The following TTYH2 variants were observed in gnomAD, a reference collection of about 807,000 sequenced individuals.
TTYH2 encodes tweety family member 2.
A neutral mutation model predicts 68.3 loss-of-function variants in TTYH2; 49 were observed. The ratio of observed to expected loss-of-function variants is 0.72; its 90% CI spans 0.57 to 0.91. The LOEUF (loss-of-function observed/expected upper bound fraction) is 0.91, where lower values mean the gene tolerates loss of function less well. Among genes scored for constraint, TTYH2 ranks in the 40% least tolerant of loss-of-function variants. TTYH2 has a pLI of 0.00. For missense variants in TTYH2, 631 were observed against 700.4 expected (o/e 0.90, Z 1.12); for synonymous variants, 272 against 300.8 (o/e 0.90, Z 0.99).
chr17:74,231,916 G>T (rs2064511858), intron 3 of TTYH2, among the ~76,000 whole-genome samples: 1 of 152,118 alleles, frequency 6.6e-6, no homozygotes, highest in African/African-American at 2.4e-5. Flanking sequence ...CTTTTGCTGG[G>T]GCTGCCACCC....
Position 74,252,381 on chromosome 17 carries a change from G to T in TTYH2, c.1259+5G>T, listed in dbSNP as rs771695526. 1.9e-6 allele frequency: 3 copies of T among 1,612,894 alleles called. No homozygotes were observed. The highest frequency in any genetic ancestry group is 2.2e-5 in the South Asian group (2 of 91,060). ...CTGGAAGCACTTCACCACCAGGTGGGCTGCCTAGTAAGGAGGGGAGCCTCC... is the reference window on the plus strand; with the variant it reads ...CTGGAAGCACTTCACCACCAGGTGGTCTGCCTAGTAAGGAGGGGAGCCTCC... On this transcript the variant is annotated splice_donor_5th_base_variant and intron_variant, in intron 11 of 13. Coordinates refer to ENST00000269346, the MANE Select transcript of TTYH2 (RefSeq NM_032646.6).
At position 74,261,829 on chromosome 17, in the gene TTYH2, C is replaced by T. The variant is rs2050754005; in HGVS notation, c.*1620C>T. 6.6e-6 allele frequency: 1 copy of T among 152,306 alleles called. No individual in the cohort carries two copies. Among genetic ancestry groups the T allele is most frequent in the East Asian group, 1.9e-4 (1 of 5,194 alleles). 9.4% of individuals were successfully genotyped at this position (152,306 alleles called of 1,614,324 possible). A position where few individuals can be genotyped will look rare whatever the true frequency, so the allele number is the denominator to read the frequency against. ...AACTCACTTTGGTATATCCGCGTCA[C>T]ATGCAGAGAGGAACTCTGCGACGTC... On this transcript the variant is annotated 3_prime_UTR_variant, in exon 14 of 14. Coordinates refer to ENST00000269346, the MANE Select transcript of TTYH2 (RefSeq NM_032646.6).
At chr17:74,254,904 C>G (rs1245180672) in intron 13 of TTYH2, among the ~76,000 whole-genome samples, 1 of 152,190 alleles carries the variant, frequency 6.6e-6, no homozygotes, top group Non-Finnish European at 1.5e-5. Flanking sequence ...CCAAACACAG[C>G]CTTCCTCAAT....
rs1052796305 is a variant in TTYH2 at position 74,241,891 on chromosome 17, G to A, written c.636-1483G>A. Among the ~76,000 whole-genome samples the A allele has an allele frequency of 6.6e-6, 1 of 152,226 alleles. No homozygotes were observed. Among genetic ancestry groups the A allele is most frequent in the African/African-American group, 2.4e-5 (1 of 41,462 alleles). On this transcript the variant is annotated intron_variant, in intron 4 of 13. Coordinates refer to ENST00000269346, the MANE Select transcript of TTYH2 (RefSeq NM_032646.6). This position sits in a 1 kb window ranked among gnomAD's most constrained non-coding sequence, Gnocchi z 4.1. ...CTGGGCCTTGTGAGGACCACCTTGG[G>A]GACCTGTGTGGAAGGGAAAGGAACG...
In TTYH2 at chr17:74,213,772, C is replaced by CT; in HGVS notation, c.129+56_129+57insT. On this transcript the variant is annotated intron_variant, in intron 1 of 13. Coordinates refer to ENST00000269346, the MANE Select transcript of TTYH2 (RefSeq NM_032646.6). The surrounding 1 kb of genome is among the most constrained non-coding windows in gnomAD (Gnocchi z 6.1). Reference sequence around the variant, plus strand: ...CGCGCGCCCCAAGTCCCCGCACTACCCCCTCTCCCCTCGAGAGCCTGCACT... The same window carrying CT: ...CGCGCGCCCCAAGTCCCCGCACTACCTCCCTCTCCCCTCGAGAGCCTGCACT... 1.9e-6 allele frequency: 3 copies of CT among 1,579,926 alleles called. No homozygotes were observed. The highest frequency in any genetic ancestry group is 2.3e-5 in the South Asian group (2 of 87,606).
chr17:74,233,284 A>G (rs936332745), intron 3 of TTYH2, among the ~76,000 whole-genome samples: 2 of 152,106 alleles, frequency 1.3e-5, no homozygotes, highest in African/African-American at 2.4e-5. Context: ...CAGAGTGGAC[A>G]CCCAGCACAC....
chr17:74,226,542 G>C (rs114743866), intron 2 of TTYH2, among the ~76,000 whole-genome samples: 1 of 152,270 alleles, frequency 6.6e-6, no homozygotes, highest in African/African-American at 2.4e-5. Context: ...AGCCAGATTG[G>C]TGTGAGTTAT....
At chr17:74,218,329 A>G (rs1598211753) in intron 1 of TTYH2, among the ~76,000 whole-genome samples, 1 of 142,540 alleles carries the variant, frequency 7.0e-6, no homozygotes, top group Non-Finnish European at 1.5e-5. Context: ...GTTTTTTCCC[A>G]GCACCTAGGT....
rs1393925447 is a variant in TTYH2, at chr17:74,217,195, TGTTA to T, written c.129+3484_129+3487del. 6.6e-6 allele frequency among the ~76,000 whole-genome samples: 1 copy of T among 152,184 alleles called. No homozygotes were observed. The highest frequency in any genetic ancestry group is 2.4e-5 in the African/African-American group (1 of 41,442). On this transcript the variant is annotated intron_variant, in intron 1 of 13. Transcript: ENST00000269346. This position sits in a 1 kb window ranked among gnomAD's most constrained non-coding sequence, Gnocchi z 4.0. ...AGTAAGCTCCCAAAGGCTGTGCAAA[TGTTA>T]GTTATTGCTACTGTCAACAGGCAGG...
rs73995092 is a variant in TTYH2 at position 74,227,432 on chromosome 17, C to T, written c.303-3456C>T. Among the ~76,000 whole-genome samples, 664 of 152,292 alleles carry T rather than the reference C, an allele frequency of 4.4e-3. 6 individuals carry two copies. Among genetic ancestry groups the T allele is most frequent in the African/African-American group, 0.015 (637 of 41,550 alleles). On this transcript the variant is annotated intron_variant, in intron 2 of 13. Transcript: ENST00000269346. ...ACTCAGAGAGCTAGAAAAGGATGAA[C>T]ACAAGGAGTCGACAAAAGGGCTTCT...
At chr17:74,216,405 G>A (rs928780840) in intron 1 of TTYH2, among the ~76,000 whole-genome samples, 3 of 152,116 alleles carry the variant, frequency 2.0e-5, no homozygotes, top group Admixed American at 6.5e-5. Flanking sequence ...TGGGTGGTGC[G>A]GGGGATCTCA....
intron 13 of TTYH2, among the ~76,000 whole-genome samples, chr17:74,257,774 A>G (rs1190308278): frequency 1.3e-5 from 2 of 152,240 alleles, no homozygotes; most frequent in Non-Finnish European, 2.9e-5. Context: ...TCAGACTTAC[A>G]GAAACAGAAT....
At chr17:74,249,274 G>C (rs2050593346) in intron 7 of TTYH2, 70 bp from the exon 8 acceptor site, 1 of 1,605,122 alleles carries the variant, frequency 6.2e-7, no homozygotes, top group Non-Finnish European at 8.5e-7. Context: ...GTCTGGCTTG[G>C]CCACCAAGGA....
intron 2 of TTYH2, among the ~76,000 whole-genome samples, chr17:74,227,443 G>A (rs960557983): frequency 6.6e-6 from 1 of 152,200 alleles, no homozygotes; most frequent in Non-Finnish European, 1.5e-5. Flanking sequence ...ACAAGGAGTC[G>A]ACAAAAGGGC....
At chr17:74,234,050 G>T (rs1298122787) in intron 3 of TTYH2, among the ~76,000 whole-genome samples, 1 of 152,180 alleles carries the variant, frequency 6.6e-6, no homozygotes, top group Non-Finnish European at 1.5e-5. Context: ...CTCACTGAGC[G>T]CTGGAGAGTC....
At chr17:74,237,142 C>T (rs1344398681) in intron 3 of TTYH2, 152 bp from the exon 4 acceptor site, 19 of 713,766 alleles carry the variant, frequency 2.7e-5, no homozygotes, top group East Asian at 5.4e-5. Flanking sequence ...TCAAGCAATC[C>T]GCCTGCCTCA....
At chr17:74,234,163 G>A (rs1014329769) in intron 3 of TTYH2, among the ~76,000 whole-genome samples, 1 of 152,188 alleles carries the variant, frequency 6.6e-6, no homozygotes, top group Non-Finnish European at 1.5e-5. Flanking sequence ...CCGCTTCAGC[G>A]GTCCTGGGGC....
chr17:74,260,396 C>T lies in TTYH2; in HGVS notation c.*187C>T. The T allele has an allele frequency of 4.8e-6, 3 of 618,744 alleles. No homozygotes were observed. The highest frequency in any genetic ancestry group is 8.6e-6 in the Non-Finnish European group (3 of 347,280). 38.3% of individuals were successfully genotyped at this position (618,744 alleles called of 1,614,324 possible). A position where few individuals can be genotyped will look rare whatever the true frequency, so the allele number is the denominator to read the frequency against. On this transcript the variant is annotated 3_prime_UTR_variant, in exon 14 of 14. Coordinates refer to ENST00000269346, the MANE Select transcript of TTYH2 (RefSeq NM_032646.6). ...GCAGAAGACTCACCACGCGGGCCAG[C>T]CTCTCTCTTTTGCCCTGCTCTCCAC...
Position 74,260,234 on chromosome 17 carries a change from CT to C in TTYH2, c.*30del, listed in dbSNP as rs751587631. 5 of 1,609,410 alleles carry C rather than the reference CT, an allele frequency of 3.1e-6. No individual in the cohort carries two copies. In the Admixed American group the frequency reaches 6.7e-5, roughly 21 times the overall value. On this transcript the variant is annotated 3_prime_UTR_variant, in exon 14 of 14. Transcript: ENST00000269346. ...ACAGACTTTCGGGGGTTCCTGCCTC[CT>C]TTTTCCGTTCTGGTTTTTAATTAGT... is the stretch of plus-strand genomic sequence containing the variant.
Sources: allele counts gnomAD v4.1 joint callset (sites outside exome capture counted in the v4.1 genomes callset), GRCh38; gene constraint gnomAD v4.1.1; non-coding constraint Gnocchi (gnomAD v3.1); transcripts MANE v1.5; gene names NCBI Gene and HGNC (gene_info 2026-07-23, HGNC 2026-07-21).